The following ZFP64 variants were observed in gnomAD, a reference collection of about 807,000 sequenced individuals.
ZFP64 encodes the protein ZFP64 zinc finger protein, also known as zinc finger protein 64.
Under a neutral mutation model 51.6 loss-of-function variants are expected in ZFP64, and 14 were observed. The ratio of observed to expected loss-of-function variants is 0.27; its 90% CI spans 0.18 to 0.42. The LOEUF (loss-of-function observed/expected upper bound fraction) is 0.42, where lower values mean the gene tolerates loss of function less well. ZFP64 is among the 10% of genes least tolerant of loss of function. The probability of loss-of-function intolerance (pLI) is 1.00; values close to 1 mark genes in which losing one functional copy is unlikely to be tolerated. For synonymous variants in ZFP64, 375 were observed against 361.4 expected, an observed-to-expected ratio of 1.04 and a Z score of -0.43; for missense variants, 754 against 906.8, an observed-to-expected ratio of 0.83 and a Z score of 2.16.
chr20:52,154,401 C>T (rs748103507), intron 5 of ZFP64, among the ~76,000 whole-genome samples: 2 of 152,074 alleles, frequency 1.3e-5, no homozygotes, highest in Non-Finnish European at 2.9e-5. Flanking sequence ...TGTTCTTGGT[C>T]GCCCCGTAGT....
intron 2 of ZFP64, among the ~76,000 whole-genome samples, chr20:52,173,463 C>A (rs1053692147): frequency 6.6e-6 from 1 of 152,074 alleles, no homozygotes; most frequent in Non-Finnish European, 1.5e-5. Flanking sequence ...TGCTGTGTGC[C>A]TGTAGTTTCA....
intron 5 of ZFP64, among the ~76,000 whole-genome samples, chr20:52,103,706 A>C (rs1342833730): frequency 1.3e-5 from 2 of 152,144 alleles, no homozygotes; most frequent in African/African-American, 4.8e-5. Flanking sequence ...AACTTCCCCG[A>C]GGCGCAGAGA....
intron 5 of ZFP64, among the ~76,000 whole-genome samples, chr20:52,145,939 T>A (rs1450426624): frequency 6.6e-6 from 1 of 152,234 alleles, no homozygotes; most frequent in African/African-American, 2.4e-5. Flanking sequence ...ATTAATTATA[T>A]TTTGACTTAT....
At chr20:52,105,357 A>C (rs1978305904) in intron 5 of ZFP64, 14 of 1,242,262 alleles carry the variant, frequency 1.1e-5, no homozygotes, top group Non-Finnish European at 1.4e-5. Context: ...AATTCTGCTC[A>C]TCAGCCGAGC....
At chr20:52,105,227 C>T (rs1362005656) in intron 5 of ZFP64, 3 of 1,348,936 alleles carry the variant, frequency 2.2e-6, no homozygotes, top group Admixed American at 7.2e-5. Context: ...GGCCTGCTTG[C>T]GCCGCGACAT....
chr20:52,160,244 G>A lies in ZFP64; in HGVS notation c.642C>T (p.Asp214=), dbSNP rs760122271. The A allele has an allele frequency of 2.5e-6, 4 of 1,614,178 alleles. No individual in the cohort carries two copies. The highest frequency in any genetic ancestry group is 1.1e-5 in the South Asian group (1 of 91,086). The change falls in exon 5 of 6, where the codon GAC becomes GAT. Residue 214 remains aspartate (D), a synonymous_variant. Coordinates refer to ENST00000216923, the MANE Select transcript of ZFP64 (RefSeq NM_018197.3). The surrounding 1 kb of genome is among the most constrained non-coding windows in gnomAD (Gnocchi z 4.2). ...KCKTCDYAAA[D]SSSLNKHLRI... ...TCAGGTGCTTGTTGAGGCTGCTGCT[G>A]TCGGCAGCGGCGTAGTCACACGTCT...
At chr20:52,107,411 C>T (rs1157877505) in intron 5 of ZFP64, among the ~76,000 whole-genome samples, 1 of 152,050 alleles carries the variant, frequency 6.6e-6, no homozygotes, top group Non-Finnish European at 1.5e-5. Context: ...ACTAGGGAAC[C>T]TACTGCCCCA....
chr20:52,138,665 C>T (rs1980104321), intron 5 of ZFP64, among the ~76,000 whole-genome samples: 1 of 150,998 alleles, frequency 6.6e-6, no homozygotes, highest in Non-Finnish European at 1.5e-5. Context: ...AAAAAAAAAG[C>T]ACCCTGGTAA....
At chr20:52,120,335 G>A (rs911939723) in intron 5 of ZFP64, among the ~76,000 whole-genome samples, 15 of 152,104 alleles carry the variant, frequency 9.9e-5, no homozygotes, top group African/African-American at 3.6e-4. Flanking sequence ...CACATCCAGA[G>A]GCAAATCTCA....
chr20:52,084,762 C>T, exon 9 of ZFP64: 1 of 1,614,242 alleles, frequency 6.2e-7, no homozygotes, highest in Non-Finnish European at 8.5e-7. Flanking sequence ...GCGGAAGGCC[C>T]TCTGCGTCAC....
intron 5 of ZFP64, among the ~76,000 whole-genome samples, chr20:52,132,696 C>T (rs1007714870): frequency 4.6e-5 from 7 of 152,150 alleles, no homozygotes; most frequent in African/African-American, 7.2e-5. Context: ...TAACAAGTAA[C>T]GAGATCAAAA....
intron 5 of ZFP64, among the ~76,000 whole-genome samples, chr20:52,119,095 T>C (rs1979028174): frequency 6.6e-6 from 1 of 152,016 alleles, no homozygotes; most frequent in Admixed American, 6.6e-5. Flanking sequence ...CAATGAACTA[T>C]GATCATGCCA....
intron 2 of ZFP64, chr20:52,175,974 C>A: frequency 1.0e-6 from 1 of 985,454 alleles, no homozygotes; most frequent in Non-Finnish European, 1.2e-6. Context: ...TTAGACCGGC[C>A]CAAATGTCCC....
intron 5 of ZFP64, among the ~76,000 whole-genome samples, chr20:52,115,249 G>A (rs1482566314): frequency 6.7e-6 from 1 of 149,106 alleles, no homozygotes; most frequent in African/African-American, 2.5e-5. Context: ...ATACTAGCAT[G>A]CTTAGAGCTC....
intron 7 of ZFP64, chr20:52,088,888 A>C: frequency 1.5e-6 from 1 of 660,588 alleles, no homozygotes. Flanking sequence ...TTACAGGCCA[A>C]ACCCTGTTTG....
rs78248483 is a variant in ZFP64 at position 52,101,215 on chromosome 20, A to G, written c.764-2628T>C. 3.0e-4 allele frequency among the ~76,000 whole-genome samples: 45 copies of G among 152,258 alleles called. No individual in the cohort carries two copies. The East Asian group carries it at 7.5e-3, about 26-fold the overall frequency. On this transcript the variant is annotated intron_variant, in intron 5 of 8. Transcript: ENST00000361387. ...AAAGTCTGCAGTAGTCCTACTCCCA[A>G]TGTTTCTTCCAAGTGTAATCCTGAT... is the stretch of plus-strand genomic sequence containing the variant.
At chr20:52,097,453 A>G (rs1273992452) in intron 6 of ZFP64, 1 of 1,285,052 alleles carries the variant, frequency 7.8e-7, no homozygotes, top group Non-Finnish European at 1.0e-6. Flanking sequence ...AGAAAAATAG[A>G]TTTTTTTTTT....
At chr20:52,148,259 T>C (rs1383870481), downstream of ZFP64, among the ~76,000 whole-genome samples, 3 of 152,204 alleles carry the variant, frequency 2.0e-5, no homozygotes, top group African/African-American at 7.2e-5. Context: ...TCTTTGGGAA[T>C]CTCAGATCTA....
At chr20:52,166,499 G>A (rs903941574) in intron 2 of ZFP64, among the ~76,000 whole-genome samples, 4 of 151,574 alleles carry the variant, frequency 2.6e-5, no homozygotes, top group African/African-American at 9.7e-5. Flanking sequence ...TTGTCACCCA[G>A]GCTGGAGTGC....
Sources: allele counts gnomAD v4.1 joint callset (sites outside exome capture counted in the v4.1 genomes callset), GRCh38; gene constraint gnomAD v4.1.1; non-coding constraint Gnocchi (gnomAD v3.1); transcripts MANE v1.5; gene names NCBI Gene and HGNC (gene_info 2026-07-23, HGNC 2026-07-21).